The following CNTLN variants were observed in gnomAD, a reference collection of about 807,000 sequenced individuals.
CNTLN encodes centlein, centrosomal protein.
Under a neutral mutation model 180.0 loss-of-function variants are expected in CNTLN, and 212 were observed. The observed-to-expected ratio is 1.18, with a 90% CI of 1.05 to 1.32. The LOEUF (loss-of-function observed/expected upper bound fraction) is 1.32. Ranked by LOEUF, CNTLN falls within the 40% of genes most tolerant of loss-of-function variation. The pLI is 0.00. For synonymous variants in CNTLN, 722 were observed against 563.1 expected (o/e 1.28, Z -3.99); for missense variants, 2,095 against 1,610.9 (o/e 1.30, Z -5.14).
In CNTLN at chr9:17,203,279, C is replaced by T. The variant is rs544155979; in HGVS notation, c.450-22924C>T. On this transcript the variant is annotated intron_variant, in intron 2 of 25. Coordinates refer to ENST00000380647, the MANE Select transcript of CNTLN (RefSeq NM_017738.4). The stretch of plus-strand genomic sequence containing the variant: ...CGGCTGCACTTAACATTTTTTCCTT[C>T]ATTTCAACGTTGGAGAATCTGACGG... 3.6e-4 allele frequency among the ~76,000 whole-genome samples: 55 copies of T among 152,120 alleles called. 1 individual carries two copies. The highest frequency in any genetic ancestry group is 4.6e-4 in the Non-Finnish European group (31 of 68,046).
chr9:17,482,666 G>A (rs889497710), intron 23 of CNTLN, among the ~76,000 whole-genome samples: 1 of 152,178 alleles, frequency 6.6e-6, no homozygotes, highest in Non-Finnish European at 1.5e-5. Context: ...AAGAAGGGTA[G>A]TGAGAGAGAT....
In CNTLN at chr9:17,484,459, A is replaced by G. The variant is rs1832799917; in HGVS notation, c.4020A>G (p.Ile1340Met). The G allele has an allele frequency of 6.2e-7, 1 of 1,601,366 alleles. No individual in the cohort carries two copies. Among genetic ancestry groups the G allele is most frequent in the Non-Finnish European group, 8.5e-7 (1 of 1,177,036 alleles). Reference sequence around the variant, plus strand: ...TTTCACGGTCAGATTTAGAGGAAATATTAGACACAGAAGATCAAGTGGTAA... The same window carrying G: ...TTTCACGGTCAGATTTAGAGGAAATGTTAGACACAGAAGATCAAGTGGTAA... Reference protein sequence around the residue: ...LNISRSDLEEILDTEDQVEIE... With the variant: ...LNISRSDLEEMLDTEDQVEIE... Residue 1340 changes from isoleucine (I) to methionine (M), a missense_variant, in exon 24 of 26, where the codon ATA (isoleucine) becomes ATG (methionine). Ile to Met is a conservative substitution (Grantham distance 10). Transcript: ENST00000380647.
chr9:17,300,483 G>C (rs1478887919), intron 7 of CNTLN: 1 of 152,166 alleles, frequency 6.6e-6, no homozygotes, highest in Non-Finnish European at 1.5e-5. Context: ...TATGTTTTCA[G>C]TACAGGTGCA....
chr9:17,207,986 G>C (rs1189652429), intron 2 of CNTLN, among the ~76,000 whole-genome samples: 1 of 151,962 alleles, frequency 6.6e-6, no homozygotes, highest in African/African-American at 2.4e-5. Context: ...CTCTAGCTAG[G>C]ACTTCCAATA....
intron 5 of CNTLN, among the ~76,000 whole-genome samples, chr9:17,269,301 A>G (rs1008365414): frequency 8.5e-5 from 13 of 152,092 alleles, no homozygotes; most frequent in Non-Finnish European, 1.8e-4. Flanking sequence ...TCTTCTGCTA[A>G]CTTTTGGTTC....
intron 10 of CNTLN, among the ~76,000 whole-genome samples, chr9:17,338,376 T>G (rs1352363355): frequency 6.8e-6 from 1 of 147,618 alleles, no homozygotes; most frequent in Non-Finnish European, 1.5e-5. Flanking sequence ...TTTCACTATA[T>G]TGGCCAGTCC....
intron 2 of CNTLN, among the ~76,000 whole-genome samples, chr9:17,208,130 G>C (rs1006301294): frequency 2.6e-5 from 4 of 152,094 alleles, no homozygotes; most frequent in Admixed American, 1.3e-4. Context: ...ATTGTGTTGA[G>C]ATATGTTTCT....
intron 7 of CNTLN, among the ~76,000 whole-genome samples, chr9:17,302,300 C>A (rs1007747339): frequency 6.6e-6 from 1 of 151,910 alleles, no homozygotes; most frequent in African/African-American, 2.4e-5. Context: ...AGGCTTCAAG[C>A]AATTCCCCCA....
chr9:17,271,015 A>G (rs551327697), intron 5 of CNTLN, among the ~76,000 whole-genome samples: 30 of 144,584 alleles, frequency 2.1e-4, no homozygotes, highest in African/African-American at 7.1e-4. Flanking sequence ...CAGTGGCTCA[A>G]TCTTGGCTCA....
rs529711405 is a variant in CNTLN at position 17,258,039 on chromosome 9, T to C, written c.850-15694T>C. Reference sequence around the variant, plus strand: ...GCCATTGCTTTTGTTGTTTCAGACATGAAGTCCTTGCCCATGCCTATGTCC... The same window carrying C: ...GCCATTGCTTTTGTTGTTTCAGACACGAAGTCCTTGCCCATGCCTATGTCC... On this transcript the variant is annotated intron_variant, in intron 5 of 25. Transcript: ENST00000380647. Among the ~76,000 whole-genome samples, 646 of 151,126 alleles carry C rather than the reference T, an allele frequency of 4.3e-3. 4 individuals carry two copies. Among genetic ancestry groups the C allele is most frequent in the South Asian group, 0.028 (133 of 4,798 alleles).
chr9:17,223,115 T>G (rs114901425), intron 2 of CNTLN, among the ~76,000 whole-genome samples: 2,520 of 152,148 alleles, frequency 0.017, 75 homozygotes, highest in African/African-American at 0.058. Flanking sequence ...ATGGATACTT[T>G]CGACAAAGAG....
In CNTLN at chr9:17,415,863, A is replaced by C. The variant is rs775449213; in HGVS notation, c.2872A>C (p.Thr958Pro). The stretch of plus-strand genomic sequence containing the variant: ...TTGCAAGATGCAAAAGAGTTCACAT[A>C]CAGCAGTTCCTACTAGAGGTAAGAA... Reference protein sequence around the residue: ...KNCKMQKSSHTAVPTRVNREK... With the variant: ...KNCKMQKSSHPAVPTRVNREK... Residue 958 changes from threonine (T) to proline (P), a missense_variant, in exon 17 of 26, where the codon ACA becomes CCA. Transcript: ENST00000380647. 1 of 1,611,808 alleles carries C rather than the reference A, an allele frequency of 6.2e-7. No individual in the cohort carries two copies. Among genetic ancestry groups the C allele is most frequent in the Non-Finnish European group, 8.5e-7 (1 of 1,178,940 alleles).
chr9:17,185,923 G>T (rs753340602), intron 2 of CNTLN, among the ~76,000 whole-genome samples: 9 of 151,926 alleles, frequency 5.9e-5, no homozygotes, highest in Non-Finnish European at 1.3e-4. Context: ...CTCCTGAGGA[G>T]CTGGGACTAT....
intron 2 of CNTLN, among the ~76,000 whole-genome samples, chr9:17,183,838 A>C (rs933544595): frequency 6.6e-6 from 1 of 152,076 alleles, no homozygotes; most frequent in Non-Finnish European, 1.5e-5. Flanking sequence ...AGGCATTTCT[A>C]ATTTGCATAG....
intron 2 of CNTLN, among the ~76,000 whole-genome samples, chr9:17,218,070 T>A (rs1823881766): frequency 6.6e-6 from 1 of 152,134 alleles, no homozygotes; most frequent in African/African-American, 2.4e-5. Flanking sequence ...TGCATTTTAG[T>A]CTGATTGAAT....
intron 18 of CNTLN, among the ~76,000 whole-genome samples, chr9:17,453,989 A>G (rs1588033795): frequency 6.6e-6 from 1 of 152,206 alleles, no homozygotes; most frequent in East Asian, 1.9e-4. Context: ...TTACATCTAC[A>G]GAATCCTCTT....
intron 5 of CNTLN, among the ~76,000 whole-genome samples, chr9:17,239,675 G>C (rs1438619957): frequency 6.6e-6 from 1 of 152,114 alleles, no homozygotes; most frequent in Non-Finnish European, 1.5e-5. Context: ...CTAATGTCAT[G>C]CTTTTGTATG....
chr9:17,499,555 A>G (rs1235403664), intron 25 of CNTLN, among the ~76,000 whole-genome samples: 1 of 152,220 alleles, frequency 6.6e-6, no homozygotes. Context: ...ATTTGAATAC[A>G]TATTGAATCT....
At chr9:17,384,873 A>G (rs1017878272) in intron 13 of CNTLN, among the ~76,000 whole-genome samples, 3 of 152,078 alleles carry the variant, frequency 2.0e-5, no homozygotes, top group Non-Finnish European at 4.4e-5. Context: ...TCTAAACTCC[A>G]ATTGGGCAAT....
Sources: allele counts gnomAD v4.1 joint callset (sites outside exome capture counted in the v4.1 genomes callset), GRCh38; gene constraint gnomAD v4.1.1; transcripts MANE v1.5; gene names NCBI Gene and HGNC (gene_info 2026-07-23, HGNC 2026-07-21).